Variants in TMEM132C observed in about 807,000 individuals in gnomAD.
TMEM132C encodes transmembrane protein 132C, also known as protein phosphatase 1, regulatory subunit 152.
Under a neutral mutation model 61.4 loss-of-function variants are expected in TMEM132C, and 29 were observed. The ratio of observed to expected loss-of-function variants is 0.47; its 90% CI spans 0.35 to 0.64. The LOEUF (loss-of-function observed/expected upper bound fraction) is 0.64, where lower values mean the gene tolerates loss of function less well. TMEM132C is among the 30% of genes least tolerant of loss of function. The pLI, the probability that TMEM132C is intolerant of heterozygous loss-of-function variation, is 0.00. For synonymous variants in TMEM132C, 656 were observed against 633.1 expected (o/e 1.04, Z -0.54); for missense variants, 1,408 against 1,476.9 (o/e 0.95, Z 0.76).
intron 4 of TMEM132C, among the ~76,000 whole-genome samples, chr12:128,641,961 A>ATT (rs34283461): frequency 0.064 from 8,259 of 128,652 alleles, 361 homozygotes; most frequent in Non-Finnish European, 0.096. Flanking sequence ...TGCCCGGCTA[A>ATT]TTTTTTTTTT....
chr12:128,354,089 A>G (rs924562165), intron 1 of TMEM132C, among the ~76,000 whole-genome samples: 5 of 152,150 alleles, frequency 3.3e-5, no homozygotes, highest in Non-Finnish European at 5.9e-5. Context: ...CAGGTTACCC[A>G]GTTGGAATCA....
Position 128,616,132 on chromosome 12 carries a change from GT to G in TMEM132C, c.1122-17del, listed in dbSNP as rs1876790541. ...TTTGAACAAAGTTGGCTTAAAGCCA[GT>G]TTCTTTTCTCTCTTCCAGGAGCAGC... On this transcript the variant is annotated intron_variant, in intron 3 of 8. Transcript: ENST00000435159. 9 of 1,548,038 alleles carry G rather than the reference GT, an allele frequency of 5.8e-6. No homozygotes were observed. Among genetic ancestry groups the G allele is most frequent in the African/African-American group, 1.4e-5 (1 of 72,754 alleles).
chr12:128,468,679 T>A (rs1870825491), intron 2 of TMEM132C, among the ~76,000 whole-genome samples: 1 of 152,196 alleles, frequency 6.6e-6, no homozygotes, highest in East Asian at 1.9e-4. Context: ...AGGTGGAGAA[T>A]AACATGAGAG....
At chr12:128,370,605 G>A (rs1873999959) in intron 1 of TMEM132C, among the ~76,000 whole-genome samples, 1 of 151,808 alleles carries the variant, frequency 6.6e-6, no homozygotes, top group African/African-American at 2.4e-5. Flanking sequence ...CAGAGGCACA[G>A]CACCAAGAAA....
chr12:128,400,518 C>T (rs1875117778), intron 1 of TMEM132C, among the ~76,000 whole-genome samples: 1 of 151,990 alleles, frequency 6.6e-6, no homozygotes, highest in South Asian at 2.1e-4. Context: ...CTGTTCTGCA[C>T]AGTGTAGGAT....
intron 3 of TMEM132C, among the ~76,000 whole-genome samples, chr12:128,612,035 G>T (rs1300147073): frequency 6.6e-6 from 1 of 152,220 alleles, no homozygotes; most frequent in East Asian, 1.9e-4. Context: ...GGTGGAGAAG[G>T]GGTAGGAAAG....
chr12:128,590,780 C>T (rs948336375), intron 3 of TMEM132C, among the ~76,000 whole-genome samples: 5 of 152,164 alleles, frequency 3.3e-5, no homozygotes, highest in Admixed American at 3.3e-4. Context: ...GTTCTTCAGC[C>T]TTGTTTTTGT....
At chr12:128,464,586 T>G (rs1178767882) in intron 2 of TMEM132C, among the ~76,000 whole-genome samples, 2 of 152,112 alleles carry the variant, frequency 1.3e-5, no homozygotes, top group African/African-American at 4.8e-5. Context: ...GACCCCCATC[T>G]CTATAAAAAA....
chr12:128,649,629 T>C (rs2135608595), intron 4 of TMEM132C, among the ~76,000 whole-genome samples: 1 of 152,324 alleles, frequency 6.6e-6, no homozygotes, highest in South Asian at 2.1e-4. Flanking sequence ...TGCAAAATAT[T>C]GCAAACAGTA....
chr12:128,468,399 C>A (rs1593064156), intron 2 of TMEM132C, among the ~76,000 whole-genome samples: 1 of 152,092 alleles, frequency 6.6e-6, no homozygotes. Flanking sequence ...CTCACCACAA[C>A]CTCTGCCTTC....
chr12:128,346,567 C>G (rs1873165299), intron 1 of TMEM132C, among the ~76,000 whole-genome samples: 1 of 152,098 alleles, frequency 6.6e-6, no homozygotes, highest in Non-Finnish European at 1.5e-5. Context: ...TGTGTCATCT[C>G]TAATTTTTTT....
At chr12:128,473,396 TCATTTTCACTC>T (rs1871038121) in intron 2 of TMEM132C, among the ~76,000 whole-genome samples, 3 of 152,210 alleles carry the variant, frequency 2.0e-5, no homozygotes, top group Non-Finnish European at 2.9e-5. Context: ...GCCTCCATCT[TCATTTTCACTC>T]CAGCCTCCAT....
intron 5 of TMEM132C, among the ~76,000 whole-genome samples, chr12:128,689,219 A>G (rs1318510206): frequency 6.6e-6 from 1 of 152,174 alleles, no homozygotes; most frequent in Non-Finnish European, 1.5e-5. Flanking sequence ...TATGAATATA[A>G]TGTATTCTTT....
At chr12:128,514,191 C>T (rs1332620116) in intron 2 of TMEM132C, among the ~76,000 whole-genome samples, 1 of 152,152 alleles carries the variant, frequency 6.6e-6, no homozygotes, top group African/African-American at 2.4e-5. Flanking sequence ...GCCCAAACAC[C>T]AGAAACATTT....
At chr12:128,420,012 G>C (rs1379523720) in intron 2 of TMEM132C, among the ~76,000 whole-genome samples, 1 of 151,982 alleles carries the variant, frequency 6.6e-6, no homozygotes, top group East Asian at 1.9e-4. Context: ...AGCCAACGTG[G>C]TGAAACCCTG....
intron 2 of TMEM132C, among the ~76,000 whole-genome samples, chr12:128,506,009 A>G (rs775195223): frequency 6.6e-6 from 1 of 152,214 alleles, no homozygotes; most frequent in Middle Eastern, 3.2e-3. Context: ...ATGGCGGCAT[A>G]AATATGGAGC....
At chr12:128,419,454 G>T (rs1868906672) in intron 2 of TMEM132C, among the ~76,000 whole-genome samples, 1 of 152,178 alleles carries the variant, frequency 6.6e-6, no homozygotes, top group Non-Finnish European at 1.5e-5. Flanking sequence ...TAAGCACCAT[G>T]GAATTGCACA....
chr12:128,542,882 A>G (rs542975898), intron 2 of TMEM132C, among the ~76,000 whole-genome samples: 13 of 143,970 alleles, frequency 9.0e-5, no homozygotes, highest in Non-Finnish European at 1.2e-4. Context: ...AAAAAAAAAA[A>G]TGTGCTGGGA....
rs59362697 is a variant in TMEM132C, at chr12:128,542,859, CAAA to C, written c.975-1077_975-1075del. On this transcript the variant is annotated intron_variant, in intron 2 of 8. Transcript: ENST00000435159. ...CTAGCGACAGAACAATACTTCGATGCAAAAAAAAAAAAAAAAAAAAAAATGTGC... is the reference window on the plus strand; with the variant it reads ...CTAGCGACAGAACAATACTTCGATGCAAAAAAAAAAAAAAAAAAAATGTGC... Among the ~76,000 whole-genome samples, 10 of 81,544 alleles carry C rather than the reference CAAA, an allele frequency of 1.2e-4. No homozygotes were observed. The South Asian group carries it at 1.6e-3, about 13-fold the overall frequency. The allele number at this position is 81,544 out of a possible 152,430, so 53.5% of individuals were successfully genotyped here.
Sources: allele counts gnomAD v4.1 joint callset (sites outside exome capture counted in the v4.1 genomes callset), GRCh38; gene constraint gnomAD v4.1.1; transcripts MANE v1.5; gene names NCBI Gene and HGNC (gene_info 2026-07-23, HGNC 2026-07-21).